The following CCDC195 variants were observed in gnomAD, a reference collection of about 807,000 sequenced individuals.
CCDC195 encodes the protein coiled-coil domain containing 195.
intron 2 of CCDC195, 99 bp from the exon 3 acceptor site, chr2:224,703,986 G>C (rs1460665898): frequency 2.0e-5 from 8 of 395,940 alleles, no homozygotes; most frequent in African/African-American, 1.0e-4. Flanking sequence ...ACTACCTACA[G>C]TGTTAAAAGT....
intron 2 of CCDC195, among the ~76,000 whole-genome samples, chr2:224,704,627 CT>C (rs1208301152): frequency 5.1e-4 from 35 of 69,244 alleles, no homozygotes; most frequent in South Asian, 8.5e-4. Flanking sequence ...TTTTTTTTTT[CT>C]TTTTTTTTTT....
At chr2:224,710,421 T>A (rs914165113) in intron 1 of CCDC195, among the ~76,000 whole-genome samples, 1 of 152,224 alleles carries the variant, frequency 6.6e-6, no homozygotes, top group Non-Finnish European at 1.5e-5. Context: ...GGTGGGTGGA[T>A]CACAAGGTCA....
intron 1 of CCDC195, 89 bp from the exon 2 acceptor site, chr2:224,710,308 C>G (rs575013793): frequency 3.0e-5 from 12 of 397,522 alleles, no homozygotes; most frequent in Middle Eastern, 6.3e-4. Context: ...TTGAAACTAA[C>G]TAGACAGAAC....
chr2:224,704,610 C>CTTTTTTT (rs55801561), intron 2 of CCDC195, among the ~76,000 whole-genome samples: 39 of 110,624 alleles, frequency 3.5e-4, no homozygotes, highest in Non-Finnish European at 4.0e-4. Flanking sequence ...CTTTTCTTTT[C>CTTTTTTT]TTTTTTTTTT....
intron 2 of CCDC195, among the ~76,000 whole-genome samples, chr2:224,708,016 C>CTTCT (rs935261621): frequency 6.7e-5 from 8 of 118,668 alleles, no homozygotes; most frequent in African/African-American, 2.6e-4. Context: ...TCCTTTCTTC[C>CTTCT]TTCCTTCCTT....
At chr2:224,709,726 A>G (rs764377405) in intron 2 of CCDC195, among the ~76,000 whole-genome samples, 3 of 152,214 alleles carry the variant, frequency 2.0e-5, no homozygotes, top group Non-Finnish European at 4.4e-5. Context: ...TATGATCACT[A>G]ATGCTTAATG....
intron 1 of CCDC195, among the ~76,000 whole-genome samples, chr2:224,711,367 T>TG: frequency 6.6e-6 from 1 of 151,852 alleles, no homozygotes; most frequent in South Asian, 2.1e-4. Context: ...CCCTGTTTTT[T>TG]TTTTTTTTTT....
intron 2 of CCDC195, among the ~76,000 whole-genome samples, chr2:224,707,658 A>T (rs1689231606): frequency 6.6e-6 from 1 of 152,250 alleles, no homozygotes; most frequent in Non-Finnish European, 1.5e-5. Context: ...GCAAAGAAAT[A>T]AGCTCCACAT....
chr2:224,716,243 G>C (rs1689381401), exon 1 of CCDC195: 1 of 398,568 alleles, frequency 2.5e-6, no homozygotes, highest in South Asian at 1.3e-4. Context: ...CTCTCCCTGA[G>C]CCTGAGGCTC....
At chr2:224,707,528 C>G (rs914850293) in intron 2 of CCDC195, among the ~76,000 whole-genome samples, 40 of 152,226 alleles carry the variant, frequency 2.6e-4, no homozygotes, top group African/African-American at 9.2e-4. Context: ...GCCATGGTAT[C>G]AAACATTTCA....
chr2:224,711,799 G>C (rs769144099), intron 1 of CCDC195, among the ~76,000 whole-genome samples: 1 of 152,160 alleles, frequency 6.6e-6, no homozygotes, highest in African/African-American at 2.4e-5. Flanking sequence ...AGGCTGTTTC[G>C]GCTTTTTGTA....
intron 1 of CCDC195, among the ~76,000 whole-genome samples, chr2:224,712,800 A>G (rs1689331198): frequency 6.6e-6 from 1 of 152,216 alleles, no homozygotes. Flanking sequence ...TATGAGGCTT[A>G]TATTTTCAAC....
intron 1 of CCDC195, among the ~76,000 whole-genome samples, chr2:224,714,584 C>T (rs538374125): frequency 6.6e-6 from 1 of 152,270 alleles, no homozygotes; most frequent in African/African-American, 2.4e-5. Flanking sequence ...AACACCCTAC[C>T]ATGCTCGAGA....
At chr2:224,714,431 G>A (rs535562580) in intron 1 of CCDC195, among the ~76,000 whole-genome samples, 1 of 152,094 alleles carries the variant, frequency 6.6e-6, no homozygotes, top group Non-Finnish European at 1.5e-5. Flanking sequence ...GGAGCAAGGC[G>A]GTGGTTTTCA....
At chr2:224,714,070 C>G (rs933246593) in intron 1 of CCDC195, among the ~76,000 whole-genome samples, 5 of 152,078 alleles carry the variant, frequency 3.3e-5, no homozygotes, top group Admixed American at 6.6e-5. Flanking sequence ...GAACTCCTGT[C>G]CTTAAGTGAT....
chr2:224,706,188 A>C lies in CCDC195; in HGVS notation c.483-2301T>G, dbSNP rs1407940940. The stretch of plus-strand genomic sequence containing the variant: ...TTGTATATTGCCTCTATATTTTGTA[A>C]CTTTTTTTTTTTTTTTTTTTTTTTT... On this transcript the variant is annotated intron_variant, in intron 2 of 2. Transcript: ENST00000638102. Among the ~76,000 whole-genome samples the C allele has an allele frequency of 1.2e-4, 6 of 51,106 alleles. No homozygotes were observed. The East Asian group carries it at 2.9e-3, about 25-fold the overall frequency. The allele number at this position is 51,106 out of a possible 152,430, so 33.5% of individuals were successfully genotyped here. A position where few individuals can be genotyped will look rare whatever the true frequency, so the allele number is the denominator to read the frequency against.
intron 1 of CCDC195, among the ~76,000 whole-genome samples, chr2:224,715,298 G>T (rs1242983960): frequency 3.3e-5 from 5 of 152,052 alleles, no homozygotes; most frequent in Non-Finnish European, 7.4e-5. Flanking sequence ...GTGTAGGCAG[G>T]TATTGACAAT....
chr2:224,714,315 T>A (rs1235232274), intron 1 of CCDC195, among the ~76,000 whole-genome samples: 4 of 152,248 alleles, frequency 2.6e-5, no homozygotes, highest in Non-Finnish European at 1.5e-5. Flanking sequence ...TTCTTTGAAC[T>A]GTGTTAATAC....
At chr2:224,711,576 G>A (rs931059436) in intron 1 of CCDC195, among the ~76,000 whole-genome samples, 3 of 151,848 alleles carry the variant, frequency 2.0e-5, no homozygotes, top group Admixed American at 6.6e-5. Context: ...TCATGGGTTG[G>A]TTTTCATTTT....
Sources: gnomAD v4.1 joint callset for allele counts (sites outside exome capture counted in the v4.1 genomes callset) on GRCh38, gnomAD v4.1.1 for gene constraint, MANE v1.5 for transcripts, NCBI Gene and HGNC (gene_info 2026-07-23, HGNC 2026-07-21) for gene names.